The following LIN9 variants were observed in gnomAD, a reference collection of about 807,000 sequenced individuals.
The protein encoded by LIN9 is protein lin-9 homolog.
In LIN9, 18 loss-of-function variants were observed where a neutral mutation model predicts 78.0. The ratio of observed to expected loss-of-function variants is 0.23; its 90% CI spans 0.16 to 0.34. The LOEUF (loss-of-function observed/expected upper bound fraction) is 0.34, where lower values mean the gene tolerates loss of function less well. LIN9 is among the 10% of genes least tolerant of loss of function. The pLI is 1.00. For synonymous variants in LIN9, 192 were observed against 215.2 expected, an observed-to-expected ratio of 0.89 and a Z score of 0.94; for missense variants, 451 against 644.1, an observed-to-expected ratio of 0.70 and a Z score of 3.25.
chr1:226,234,892 A>ATTTTT (rs1558150198), intron 12 of LIN9, among the ~76,000 whole-genome samples: 58 of 103,896 alleles, frequency 5.6e-4, no homozygotes, highest in Non-Finnish European at 1.1e-3. Context: ...CGTTATCCTA[A>ATTTTT]ATTTTTTTTT....
At chr1:226,244,096 G>A (rs545055691) in intron 11 of LIN9, among the ~76,000 whole-genome samples, 32 of 151,028 alleles carry the variant, frequency 2.1e-4, no homozygotes, top group African/African-American at 7.0e-4. Flanking sequence ...GGCTAATCTC[G>A]AACTCCTGAC....
intron 11 of LIN9, 128 bp downstream of exon 11, chr1:226,250,711 T>A: frequency 1.7e-6 from 1 of 584,790 alleles, no homozygotes; most frequent in East Asian, 3.1e-5. Context: ...CTCATGCAAA[T>A]GAGGATTTAA....
At chr1:226,278,546 G>A (rs934935395) in intron 6 of LIN9, among the ~76,000 whole-genome samples, 11 of 151,994 alleles carry the variant, frequency 7.2e-5, no homozygotes, top group African/African-American at 1.2e-4. Context: ...GTTTCTGGCC[G>A]GGCGTGGTGG....
intron 1 of LIN9, among the ~76,000 whole-genome samples, chr1:226,302,058 G>A (rs1051063555): frequency 6.6e-6 from 1 of 152,082 alleles, no homozygotes; most frequent in African/African-American, 2.4e-5. Flanking sequence ...GACAGAGTAC[G>A]ACTCTGCCTC....
chr1:226,297,722 T>C lies in LIN9; in HGVS notation c.156A>G (p.Glu52=). The C allele has an allele frequency of 6.4e-7, 1 of 1,569,634 alleles. No individual in the cohort carries two copies. The highest frequency in any genetic ancestry group is 8.6e-7 in the Non-Finnish European group (1 of 1,160,450). The change falls in exon 3 of 15, where the codon GAA becomes GAG. Residue 52 remains glutamate, a synonymous_variant. Coordinates refer to ENST00000681046, the MANE Select transcript of LIN9 (RefSeq NM_001366245.2). ...WKGRNTSSAV[E]MPFRNSKRSR... ...GTAAGAAAAACTCACTCCTTACCAT[T>C]TCCACAGCAGAGCTTGTATTCCTGC...
upstream of LIN9, chr1:226,309,571 C>T (rs1663171788): frequency 8.4e-7 from 1 of 1,189,406 alleles, no homozygotes; most frequent in Non-Finnish European, 1.1e-6. Flanking sequence ...GGAAAGAAGC[C>T]CTCGGTTCTG....
At chr1:226,303,763 T>C (rs924254328) in intron 1 of LIN9, among the ~76,000 whole-genome samples, 4 of 152,168 alleles carry the variant, frequency 2.6e-5, no homozygotes, top group African/African-American at 9.7e-5. Flanking sequence ...CATGCCACCA[T>C]ACGCAGCTAA....
At chr1:226,296,650 C>A (rs894337497) in intron 3 of LIN9, among the ~76,000 whole-genome samples, 1 of 152,094 alleles carries the variant, frequency 6.6e-6, no homozygotes, top group Non-Finnish European at 1.5e-5. Context: ...CCCCTCATGG[C>A]TATTTGGAAG....
At chr1:226,305,333 A>G (rs970218336) in intron 1 of LIN9, among the ~76,000 whole-genome samples, 2 of 150,430 alleles carry the variant, frequency 1.3e-5, no homozygotes, top group African/African-American at 4.9e-5. Flanking sequence ...AAAAAAAAAA[A>G]AAAAAAAACC....
intron 11 of LIN9, among the ~76,000 whole-genome samples, chr1:226,241,844 C>A (rs1027842085): frequency 6.7e-6 from 1 of 149,888 alleles, no homozygotes; most frequent in Non-Finnish European, 1.5e-5. Context: ...GGCGACAGAG[C>A]GAGACTCTGT....
intron 7 of LIN9, among the ~76,000 whole-genome samples, chr1:226,273,014 C>G (rs974021816): frequency 6.6e-6 from 1 of 152,094 alleles, no homozygotes; most frequent in Non-Finnish European, 1.5e-5. Context: ...ACTATGTAGC[C>G]CAGGCTAGTC....
intron 11 of LIN9, among the ~76,000 whole-genome samples, chr1:226,243,116 G>A (rs1382610435): frequency 6.6e-6 from 1 of 152,130 alleles, no homozygotes; most frequent in Non-Finnish European, 1.5e-5. Flanking sequence ...TGTTGTTTGA[G>A]GGTCAACTGT....
chr1:226,268,206 C>CA lies in LIN9; in HGVS notation c.683-117dup, dbSNP rs971806349. ...TACAGTATTTTGTCTATTAGAGTTT[C>CA]AAAACAAGCACACACTTTATTTTTG... On this transcript the variant is annotated intron_variant, in intron 7 of 14. Transcript: ENST00000681046. 3 of 896,812 alleles carry CA rather than the reference C, an allele frequency of 3.3e-6. No homozygotes were observed. The African/African-American group carries it at 5.1e-5, about 15-fold the overall frequency. 55.6% of individuals were successfully genotyped at this position (896,812 alleles called of 1,614,324 possible).
intron 10 of LIN9, among the ~76,000 whole-genome samples, chr1:226,260,646 T>C (rs980215162): frequency 7.9e-6 from 1 of 126,428 alleles, no homozygotes; most frequent in African/African-American, 3.1e-5. Flanking sequence ...TTTTTTTTTT[T>C]TTTTTTTTTT....
Position 226,265,457 on chromosome 1 carries a change from A to T in LIN9, c.1038+76T>A. ...GGTGATAAACCTACACGGCCCTAGAAAAATTTTCAACTTTAATAACATAAA... is the reference window on the plus strand; with the variant it reads ...GGTGATAAACCTACACGGCCCTAGATAAATTTTCAACTTTAATAACATAAA... On this transcript the variant is annotated intron_variant, in intron 10 of 14. Coordinates refer to ENST00000681046, the MANE Select transcript of LIN9 (RefSeq NM_001366245.2). The surrounding 1 kb of genome is among the most constrained non-coding windows in gnomAD (Gnocchi z 4.1). The T allele has an allele frequency of 1.2e-6, 1 of 834,914 alleles. No homozygotes were observed. The highest frequency in any genetic ancestry group is 1.7e-5 in the South Asian group (1 of 60,256). 51.7% of individuals were successfully genotyped at this position (834,914 alleles called of 1,614,324 possible).
intron 10 of LIN9, among the ~76,000 whole-genome samples, chr1:226,257,420 C>A (rs1659274890): frequency 6.6e-6 from 1 of 152,102 alleles, no homozygotes; most frequent in Admixed American, 6.5e-5. Context: ...AAAATAATAA[C>A]AGCAACAGCA....
intron 10 of LIN9, among the ~76,000 whole-genome samples, chr1:226,255,169 C>G (rs1466116685): frequency 6.6e-6 from 1 of 152,122 alleles, no homozygotes; most frequent in Non-Finnish European, 1.5e-5. Context: ...GAAAAGCATA[C>G]TTTGTGAGTT....
rs918170133 is a variant in LIN9 at position 226,250,823 on chromosome 1, A to G, written c.1119+16T>C. 2 of 1,354,810 alleles carry G rather than the reference A, an allele frequency of 1.5e-6. No individual in the cohort carries two copies. Among genetic ancestry groups the G allele is most frequent in the African/African-American group, 1.5e-5 (1 of 68,862 alleles). 83.9% of individuals were successfully genotyped at this position (1,354,810 alleles called of 1,614,324 possible). A position where few individuals can be genotyped will look rare whatever the true frequency, so the allele number is the denominator to read the frequency against. The stretch of plus-strand genomic sequence containing the variant: ...ATTAGACAAGCAAATGAAGAAAAAA[A>G]AAGAGAAATTCTTACCAATTTTTCT... On this transcript the variant is annotated intron_variant, in intron 11 of 14. Coordinates refer to ENST00000681046, the MANE Select transcript of LIN9 (RefSeq NM_001366245.2).
chr1:226,267,925 A>G, intron 8 of LIN9, 32 bp downstream of exon 8: 1 of 1,595,936 alleles, frequency 6.3e-7, no homozygotes. Flanking sequence ...TAACAGGCAT[A>G]AAACACAAAT....
Sources: gnomAD v4.1 joint callset for allele counts (sites outside exome capture counted in the v4.1 genomes callset) on GRCh38, gnomAD v4.1.1 for gene constraint, Gnocchi (gnomAD v3.1) non-coding constraint, MANE v1.5 for transcripts, NCBI Gene and HGNC (gene_info 2026-07-23, HGNC 2026-07-21) for gene names.